Variants in HSD17B12 observed in about 807,000 individuals in gnomAD.
HSD17B12 encodes the protein very-long-chain 3-oxoacyl-CoA reductase.
HSD17B12 carries 32 observed loss-of-function variants against 39.3 expected under a neutral mutation model. The observed-to-expected ratio is 0.81, with a 90% CI of 0.61 to 1.09. The LOEUF (loss-of-function observed/expected upper bound fraction) is 1.09. Among genes scored for constraint, HSD17B12 ranks in the 50% least tolerant of loss-of-function variants. The probability of loss-of-function intolerance (pLI) is 0.00; values close to 1 mark genes in which losing one functional copy is unlikely to be tolerated. For missense variants in HSD17B12, 342 were observed against 382.9 expected (o/e 0.89, Z 0.89); for synonymous variants, 150 against 146.7 (o/e 1.02, Z -0.16).
chr11:43,791,822 C>A (rs922394245), intron 3 of HSD17B12, among the ~76,000 whole-genome samples: 2 of 151,926 alleles, frequency 1.3e-5, no homozygotes, highest in African/African-American at 4.8e-5. Flanking sequence ...GTTAAAGAGG[C>A]TATAATGAAA....
rs184592655 is a variant in HSD17B12 at position 43,730,806 on chromosome 11, G to A, written c.161-20105G>A. Reference sequence around the variant, plus strand: ...ATATTTAATCCTTAAAGAAAAGGTAGTTATTCACCAGGAGACTCTGGCCCA... The same window carrying A: ...ATATTTAATCCTTAAAGAAAAGGTAATTATTCACCAGGAGACTCTGGCCCA... On this transcript the variant is annotated intron_variant, in intron 1 of 10. Transcript: ENST00000278353. Among the ~76,000 whole-genome samples the A allele has an allele frequency of 6.6e-5, 10 of 152,236 alleles. No individual in the cohort carries two copies. In the East Asian group the frequency reaches 1.5e-3, roughly 24 times the overall value.
Position 43,798,364 on chromosome 11 carries a change from G to T in HSD17B12, c.328G>T (p.Ala110Ser), listed in dbSNP as rs374709974. ...GACAAGAACCATTGCTGTTGACTTT[G>T]CATCAGAAGATATTTATGATAAAAT... ...VETRTIAVDF[A>S]SEDIYDKIKT... Residue 110 changes from alanine (A) to serine (S), a missense_variant, in exon 4 of 11, where the codon GCA becomes TCA. Physicochemically the swap from Ala to Ser is moderately conservative, Grantham distance 99. Transcript: ENST00000278353. 28 of 1,612,242 alleles carry T rather than the reference G, an allele frequency of 1.7e-5. No individual in the cohort carries two copies. The highest frequency in any genetic ancestry group is 1.6e-4 in the Middle Eastern group (1 of 6,068).
At chr11:43,806,874 T>C (rs914895960) in intron 4 of HSD17B12, among the ~76,000 whole-genome samples, 1 of 152,196 alleles carries the variant, frequency 6.6e-6, no homozygotes, top group South Asian at 2.1e-4. Flanking sequence ...GTTATAAGTA[T>C]CCCAGTTACC....
intron 1 of HSD17B12, among the ~76,000 whole-genome samples, chr11:43,688,527 C>A (rs111412862): frequency 1.3e-5 from 2 of 152,172 alleles, no homozygotes; most frequent in Non-Finnish European, 2.9e-5. Context: ...CAAAACAATG[C>A]GTTTGCCCTA....
chr11:43,851,457 A>G (rs1590350834), intron 9 of HSD17B12, among the ~76,000 whole-genome samples: 2 of 152,276 alleles, frequency 1.3e-5, no homozygotes, highest in East Asian at 3.9e-4. Flanking sequence ...TATCTAAGAT[A>G]TTTCTTTACT....
chr11:43,814,430 TTTAG>T (rs1951102229), intron 4 of HSD17B12, among the ~76,000 whole-genome samples: 1 of 152,212 alleles, frequency 6.6e-6, no homozygotes, highest in Non-Finnish European at 1.5e-5. Flanking sequence ...GAGTTATTTA[TTTAG>T]TTAAAATAAA....
chr11:43,658,779 C>T, the HSD17B12 span, among the ~76,000 whole-genome samples: 51 of 152,270 alleles, frequency 3.3e-4, no homozygotes, highest in African/African-American at 1.1e-3. Flanking sequence ...AGTACCCGGC[C>T]GTGTGAGGTG....
upstream of HSD17B12, among the ~76,000 whole-genome samples, chr11:43,678,611 A>T (rs991809500): frequency 6.6e-6 from 1 of 152,150 alleles, no homozygotes; most frequent in African/African-American, 2.4e-5. Context: ...TAATTTTTGT[A>T]TAAGGTGTAA....
At position 43,817,039 on chromosome 11, in the gene HSD17B12, T is replaced by G. The variant is rs1389508056; in HGVS notation, c.501+648T>G. On this transcript the variant is annotated intron_variant, in intron 6 of 10. Transcript: ENST00000278353. The stretch of plus-strand genomic sequence containing the variant: ...ATCTATATCTATATCTATATCTATA[T>G]CTATATATATATATATATATCTCGT... 9.9e-4 allele frequency among the ~76,000 whole-genome samples: 40 copies of G among 40,360 alleles called. 3 individuals carry two copies. Among genetic ancestry groups the G allele is most frequent in the African/African-American group, 2.2e-3 (39 of 18,000 alleles). 26.5% of individuals were successfully genotyped at this position (40,360 alleles called of 152,430 possible). A position where few individuals can be genotyped will look rare whatever the true frequency, so the allele number is the denominator to read the frequency against.
intron 3 of HSD17B12, among the ~76,000 whole-genome samples, chr11:43,789,953 G>C (rs150443828): frequency 1.3e-5 from 2 of 151,946 alleles, no homozygotes; most frequent in South Asian, 2.1e-4. Flanking sequence ...CCTCCCCCCC[G>C]CAAAAAAGAG....
At chr11:43,774,859 C>T (rs1950684360) in intron 3 of HSD17B12, among the ~76,000 whole-genome samples, 1 of 152,110 alleles carries the variant, frequency 6.6e-6, no homozygotes, top group Admixed American at 6.5e-5. Context: ...TAGGTGGGAC[C>T]TGTGAGCATC....
chr11:43,583,209 G>T, the HSD17B12 span, among the ~76,000 whole-genome samples: 1 of 152,220 alleles, frequency 6.6e-6, no homozygotes, highest in Non-Finnish European at 1.5e-5. Context: ...CCACCGCAGC[G>T]CAGGCGGCTC....
chr11:43,744,959 G>T (rs1161950677), intron 1 of HSD17B12, among the ~76,000 whole-genome samples: 1 of 152,210 alleles, frequency 6.6e-6, no homozygotes, highest in Non-Finnish European at 1.5e-5. Context: ...CTGCCCAGGG[G>T]AGCAAGGCAG....
the HSD17B12 span, among the ~76,000 whole-genome samples, chr11:43,571,904 A>G: frequency 6.6e-6 from 1 of 152,224 alleles, no homozygotes; most frequent in Non-Finnish European, 1.5e-5. Flanking sequence ...AGCCTGAATT[A>G]TGCATGCTGT....
intron 1 of HSD17B12, among the ~76,000 whole-genome samples, chr11:43,739,539 G>A (rs1950345911): frequency 6.6e-6 from 1 of 152,226 alleles, no homozygotes; most frequent in East Asian, 1.9e-4. Context: ...TCCTTCGAAT[G>A]CTGTGTCCTC....
the HSD17B12 span, among the ~76,000 whole-genome samples, chr11:43,617,621 C>T: frequency 4.6e-5 from 7 of 152,208 alleles, no homozygotes; most frequent in Non-Finnish European, 7.4e-5. Flanking sequence ...CAGTAGCTGT[C>T]GAACTAAACT....
In HSD17B12 at chr11:43,681,008, C is replaced by T. The variant is rs768971472; in HGVS notation, c.160+21C>T. 17 of 1,567,322 alleles carry T rather than the reference C, an allele frequency of 1.1e-5. No individual in the cohort carries two copies. The East Asian group carries it at 2.7e-4, about 25-fold the overall frequency. On this transcript the variant is annotated intron_variant, in intron 1 of 10. Transcript: ENST00000278353. The stretch of plus-strand genomic sequence containing the variant: ...GGCAGGTGAGTCGGATGCAGCGCCG[C>T]GTCCTCGCTCCCGCGGCGGCCCGGA...
the HSD17B12 span, among the ~76,000 whole-genome samples, chr11:43,564,364 A>G: frequency 6.6e-6 from 1 of 152,224 alleles, no homozygotes; most frequent in Admixed American, 6.5e-5. Flanking sequence ...ATACTTCTCT[A>G]TATTTGCATA....
At chr11:43,626,905 A>C in the HSD17B12 span, among the ~76,000 whole-genome samples, 1 of 152,024 alleles carries the variant, frequency 6.6e-6, no homozygotes, top group African/African-American at 2.4e-5. Flanking sequence ...GAACCTTCAA[A>C]CTGATAGCTA....
Sources: gnomAD v4.1 joint callset for allele counts (sites outside exome capture counted in the v4.1 genomes callset) on GRCh38, gnomAD v4.1.1 for gene constraint, MANE v1.5 for transcripts, NCBI Gene and HGNC (gene_info 2026-07-23, HGNC 2026-07-21) for gene names.